The following CCDC40 variants were observed in gnomAD, a reference collection of about 807,000 sequenced individuals.
CCDC40 encodes the protein coiled-coil domain 40 molecular ruler complex subunit.
A neutral mutation model predicts 124.5 loss-of-function variants in CCDC40; 104 were observed. The ratio of observed to expected loss-of-function variants is 0.84; its 90% CI spans 0.71 to 0.98. The LOEUF (loss-of-function observed/expected upper bound fraction) is 0.98, where lower values mean the gene tolerates loss of function less well. Among genes scored for constraint, CCDC40 ranks in the 50% least tolerant of loss-of-function variants. The probability of loss-of-function intolerance (pLI) is 0.00; values close to 1 mark genes in which losing one functional copy is unlikely to be tolerated. For synonymous variants in CCDC40, 580 were observed against 602.9 expected, an observed-to-expected ratio of 0.96 and a Z score of 0.56; for missense variants, 1,463 against 1,503.9, an observed-to-expected ratio of 0.97 and a Z score of 0.45.
rs771451332 is a variant in CCDC40, at chr17:80,067,220, TC to T, written c.1562+1616del. The T allele has an allele frequency of 4.6e-4, 159 of 348,514 alleles. 1 individual carries two copies. Among genetic ancestry groups the T allele is most frequent in the Non-Finnish European group, 7.9e-4 (150 of 188,838 alleles). 21.6% of individuals were successfully genotyped at this position (348,514 alleles called of 1,614,324 possible). ...CCCCTGCATCCCAGACTAACCAGTG[TC>T]CTCTCTGCAAACCGTCCTCATTGCC... On this transcript the variant is annotated intron_variant, in intron 10 of 19. Coordinates refer to ENST00000397545, the MANE Select transcript of CCDC40 (RefSeq NM_017950.4).
chr17:80,082,181 T>A, intron 12 of CCDC40, 123 bp downstream of exon 12: 1 of 796,966 alleles, frequency 1.3e-6, no homozygotes, highest in Non-Finnish European at 2.1e-6. Context: ...CTGTGCTCAC[T>A]CCTTTCCATG....
intron 4 of CCDC40, among the ~76,000 whole-genome samples, chr17:80,047,870 G>T (rs760830806): frequency 6.6e-6 from 1 of 152,190 alleles, no homozygotes; most frequent in Admixed American, 6.5e-5. Flanking sequence ...TGTTGTGGAC[G>T]TGGGAGGGCA....
intron 10 of CCDC40, among the ~76,000 whole-genome samples, chr17:80,080,558 C>A (rs2038424167): frequency 6.6e-6 from 1 of 152,212 alleles, no homozygotes; most frequent in South Asian, 2.1e-4. Context: ...TTCCTGCAGA[C>A]CTTGGGCTAG....
At chr17:80,059,011 C>T (rs377381099) in intron 9 of CCDC40, 31 bp downstream of exon 9, 135 of 1,613,844 alleles carry the variant, frequency 8.4e-5, no homozygotes, top group African/African-American at 6.1e-4. Context: ...TCTCAGTGTT[C>T]GACCCTCCAG....
In CCDC40 at chr17:80,100,061, G is replaced by A. The variant is rs1669412958; in HGVS notation, c.*286G>A. On this transcript the variant is annotated 3_prime_UTR_variant, in exon 20 of 20. Coordinates refer to ENST00000397545, the MANE Select transcript of CCDC40 (RefSeq NM_017950.4). ...CTCCCACACTGGGCTTACTCGTCCA[G>A]GTAACACTTTGGTTTGCAGCACTCC... The A allele has an allele frequency of 2.1e-6, 1 of 466,064 alleles. No individual in the cohort carries two copies. The highest frequency in any genetic ancestry group is 4.2e-5 in the East Asian group (1 of 23,924). 28.9% of individuals were successfully genotyped at this position (466,064 alleles called of 1,614,324 possible).
intron 9 of CCDC40, among the ~76,000 whole-genome samples, chr17:80,061,255 A>T (rs2037888082): frequency 6.6e-6 from 1 of 152,234 alleles, no homozygotes; most frequent in Non-Finnish European, 1.5e-5. Context: ...CTGAGGCAGG[A>T]GAATCGCTTG....
chr17:80,043,605 C>CT (rs61278841), intron 3 of CCDC40, among the ~76,000 whole-genome samples: 3,079 of 121,366 alleles, frequency 0.025, 80 homozygotes, highest in Admixed American at 0.057. Flanking sequence ...TCTCCTCTTC[C>CT]TTTTTTTTTT....
intron 10 of CCDC40, among the ~76,000 whole-genome samples, chr17:80,068,663 C>G (rs1192989436): frequency 6.6e-6 from 1 of 152,070 alleles, no homozygotes; most frequent in Non-Finnish European, 1.5e-5. Flanking sequence ...AGCCTTCACC[C>G]TGCGAGATCC....
intron 12 of CCDC40, among the ~76,000 whole-genome samples, chr17:80,083,175 A>G (rs1396506763): frequency 6.7e-6 from 1 of 150,282 alleles, no homozygotes; most frequent in Non-Finnish European, 1.5e-5. Context: ...ACGGGGAGGG[A>G]CTGAAGGGGA....
Position 80,066,077 on chromosome 17 carries a change from G to C in CCDC40, c.1562+471G>C. The stretch of plus-strand genomic sequence containing the variant: ...CTTCTGGGGATGGATGCGTGGCTCA[G>C]GGCAGGGCGTTGGAGACACAGGTGC... On this transcript the variant is annotated intron_variant, in intron 10 of 19. Coordinates refer to ENST00000397545, the MANE Select transcript of CCDC40 (RefSeq NM_017950.4). The surrounding 1 kb of genome is among the most constrained non-coding windows in gnomAD (Gnocchi z 4.4). 2 of 702,990 alleles carry C rather than the reference G, an allele frequency of 2.8e-6. No individual in the cohort carries two copies. The highest frequency in any genetic ancestry group is 5.2e-6 in the Non-Finnish European group (2 of 384,990). 43.5% of individuals were successfully genotyped at this position (702,990 alleles called of 1,614,324 possible). A position where few individuals can be genotyped will look rare whatever the true frequency, so the allele number is the denominator to read the frequency against.
intron 12 of CCDC40, among the ~76,000 whole-genome samples, chr17:80,084,262 G>T (rs910196902): frequency 1.3e-5 from 2 of 152,204 alleles, no homozygotes; most frequent in Non-Finnish European, 2.9e-5. Context: ...TTACAATCAT[G>T]GCAAAAGGCG....
intron 10 of CCDC40, among the ~76,000 whole-genome samples, chr17:80,072,676 A>G (rs947012293): frequency 6.6e-6 from 1 of 152,154 alleles, no homozygotes; most frequent in African/African-American, 2.4e-5. Flanking sequence ...GGAATCGCGC[A>G]GTCTGTAGCT....
At chr17:80,061,463 G>A (rs1048678230) in intron 9 of CCDC40, among the ~76,000 whole-genome samples, 10 of 152,208 alleles carry the variant, frequency 6.6e-5, no homozygotes, top group African/African-American at 2.4e-4. Context: ...AAGACAACTC[G>A]CAGCCATTAG....
rs745345330 is a variant in CCDC40 at position 80,050,171 on chromosome 17, C to T, written c.1047C>T (p.His349=). 17 of 1,613,232 alleles carry T rather than the reference C, an allele frequency of 1.1e-5. No individual in the cohort carries two copies. Among genetic ancestry groups the T allele is most frequent in the African/African-American group, 2.7e-5 (2 of 74,914 alleles). The part of the protein sequence containing the change: ...VHLQKLLEKS[H]DRHAMASSER... ...TGCAGAAGCTGCTGGAGAAGAGTCA[C>T]GACCGCCACGCAATGGCCTCGAGCG... Residue 349 remains histidine (H), a synonymous_variant, in exon 7 of 20, where the codon CAC becomes CAT. Coordinates refer to ENST00000397545, the MANE Select transcript of CCDC40 (RefSeq NM_017950.4).
At chr17:80,074,039 T>C (rs1291283592) in intron 10 of CCDC40, among the ~76,000 whole-genome samples, 1 of 152,178 alleles carries the variant, frequency 6.6e-6, no homozygotes, top group East Asian at 1.9e-4. Flanking sequence ...GAGGAAGGCA[T>C]GTCAAAAGCT....
chr17:80,089,356 A>G (rs1163874348), intron 16 of CCDC40, among the ~76,000 whole-genome samples: 1 of 152,204 alleles, frequency 6.6e-6, no homozygotes, highest in African/African-American at 2.4e-5. Flanking sequence ...TAGGCAAAAA[A>G]TTATCTGGGA....
At chr17:80,048,117 G>C (rs2037477787) in intron 4 of CCDC40, among the ~76,000 whole-genome samples, 1 of 152,130 alleles carries the variant, frequency 6.6e-6, no homozygotes, top group East Asian at 1.9e-4. Flanking sequence ...AAAATTACCG[G>C]GCGTGGTGGC....
chr17:80,091,360 A>AGAG (rs2038720009), intron 17 of CCDC40, among the ~76,000 whole-genome samples: 17 of 129,710 alleles, frequency 1.3e-4, no homozygotes, highest in African/African-American at 4.8e-4. Context: ...GAGAGAGAGA[A>AGAG]AGAAAGAGAG....
chr17:80,057,875 CAAAA>C (rs11442765), intron 7 of CCDC40, among the ~76,000 whole-genome samples: 1 of 140,422 alleles, frequency 7.1e-6, no homozygotes, highest in Non-Finnish European at 1.6e-5. Flanking sequence ...GATTTCGTCT[CAAAA>C]AAAAAAAAAG....
Sources: gnomAD v4.1 joint callset for allele counts (sites outside exome capture counted in the v4.1 genomes callset) on GRCh38, gnomAD v4.1.1 for gene constraint, Gnocchi (gnomAD v3.1) non-coding constraint, MANE v1.5 for transcripts, NCBI Gene and HGNC (gene_info 2026-07-23, HGNC 2026-07-21) for gene names.